PARP9: variants seen among roughly 807,000 people sequenced by gnomAD.
PARP9 encodes protein mono-ADP-ribosyltransferase PARP9.
PARP9 carries 48 observed loss-of-function variants against 68.8 expected under a neutral mutation model. The observed-to-expected ratio is 0.70, with a 90% CI of 0.55 to 0.89. PARP9 has a LOEUF of 0.89. Ranked by LOEUF, PARP9 falls within the 40% of genes least tolerant of loss-of-function variation. PARP9 has a pLI of 0.00. For synonymous variants in PARP9, 309 were observed against 333.8 expected, an observed-to-expected ratio of 0.93 and a Z score of 0.81; for missense variants, 806 against 969.3, an observed-to-expected ratio of 0.83 and a Z score of 2.24.
upstream of PARP9, chr3:122,564,369 G>T (rs1019109219): frequency 1.2e-5 from 18 of 1,536,416 alleles, no homozygotes; most frequent in Admixed American, 3.8e-4. Context: ...AGGGCGGGCC[G>T]CGCCTTTACC....
intron 1 of PARP9, among the ~76,000 whole-genome samples, chr3:122,561,981 T>C (rs1180467904): frequency 6.6e-6 from 1 of 151,998 alleles, no homozygotes; most frequent in Non-Finnish European, 1.5e-5. Flanking sequence ...CAGTAAATGA[T>C]AATACCATTT....
At chr3:122,564,062 G>T in intron 1 of PARP9, 183 bp downstream of exon 1, 1 of 227,876 alleles carries the variant, frequency 4.4e-6, no homozygotes, top group Non-Finnish European at 8.6e-6. Flanking sequence ...AATAATAGTG[G>T]TAACAGCAGT....
intron 1 of PARP9, among the ~76,000 whole-genome samples, chr3:122,561,826 C>T (rs146912069): frequency 4.3e-4 from 65 of 152,284 alleles, no homozygotes; most frequent in African/African-American, 1.5e-3. Context: ...CCATGGCTCT[C>T]CTGAGCCCCA....
chr3:122,551,404 A>T (rs867014642), intron 5 of PARP9, among the ~76,000 whole-genome samples: 1 of 152,210 alleles, frequency 6.6e-6, no homozygotes, highest in Non-Finnish European at 1.5e-5. Flanking sequence ...ATGGTGAAGA[A>T]GAAAGATAGA....
intron 10 of PARP9, among the ~76,000 whole-genome samples, chr3:122,529,723 C>T (rs545489685): frequency 6.9e-6 from 1 of 144,734 alleles, no homozygotes; most frequent in Admixed American, 7.1e-5. Context: ...CACTGCACTC[C>T]AGCCTGGGCA....
chr3:122,554,245 G>C (rs922755084), intron 4 of PARP9, among the ~76,000 whole-genome samples: 1 of 150,942 alleles, frequency 6.6e-6, no homozygotes, highest in African/African-American at 2.4e-5. Context: ...CATACCCATC[G>C]AAACTTGAGA....
At chr3:122,541,740 A>G (rs1212920180) in intron 7 of PARP9, among the ~76,000 whole-genome samples, 1 of 152,256 alleles carries the variant, frequency 6.6e-6, no homozygotes, top group Non-Finnish European at 1.5e-5. Context: ...TCTCACCAAC[A>G]AGGAAACTGA....
chr3:122,551,590 C>G (rs2107684414), intron 5 of PARP9, among the ~76,000 whole-genome samples: 1 of 152,274 alleles, frequency 6.6e-6, no homozygotes, highest in South Asian at 2.1e-4. Context: ...ACCTTTGCCT[C>G]CTGAGTTCGT....
intron 10 of PARP9, among the ~76,000 whole-genome samples, chr3:122,531,038 T>A (rs1479350175): frequency 6.6e-6 from 1 of 152,262 alleles, no homozygotes; most frequent in African/African-American, 2.4e-5. Flanking sequence ...TATTTTAACA[T>A]GTAATCTATA....
At chr3:122,563,899 A>G (rs535887322) in intron 1 of PARP9, among the ~76,000 whole-genome samples, 4 of 152,224 alleles carry the variant, frequency 2.6e-5, no homozygotes, top group African/African-American at 9.6e-5. Flanking sequence ...AAATCAAGCA[A>G]TGGAGGAGAA....
Position 122,540,677 on chromosome 3 carries a change from C to G in PARP9, c.1560G>C (p.Gly520=), listed in dbSNP as rs139933536. 3.1e-4 allele frequency: 502 copies of G among 1,614,112 alleles called. 3 individuals are homozygous for G. In the African/African-American group the frequency reaches 6.1e-3, roughly 19 times the overall value. ...IIENNHILYL[G]RKEHDILSQL... The stretch of plus-strand genomic sequence containing the variant: ...GAGACAAAATGTCATGTTCCTTTCT[C>G]CCAAGGTACAGAATATGATTATTCT... Residue 520 remains glycine, a synonymous_variant, in exon 8 of 11, where the codon GGG becomes GGC. Transcript: ENST00000682323.
upstream of PARP9, chr3:122,564,758 G>C: frequency 9.8e-7 from 1 of 1,024,698 alleles, no homozygotes; most frequent in Non-Finnish European, 1.4e-6. Context: ...GGGCCCTACT[G>C]CCAAGAGACT....
At chr3:122,545,275 A>G (rs1485255908) in intron 7 of PARP9, among the ~76,000 whole-genome samples, 157 bp downstream of exon 7, 1 of 152,222 alleles carries the variant, frequency 6.6e-6, no homozygotes, top group Non-Finnish European at 1.5e-5. Context: ...AAGAATCATG[A>G]TCAGGGTAGA....
chr3:122,559,734 A>C (rs1323384846), intron 1 of PARP9, 25 bp from the exon 2 acceptor site: 1 of 992,828 alleles, frequency 1.0e-6, no homozygotes, highest in Non-Finnish European at 1.4e-6. Flanking sequence ...GAAAAGATGC[A>C]ATAAACATTA....
At chr3:122,551,953 T>C (rs960821899) in intron 5 of PARP9, among the ~76,000 whole-genome samples, 6 of 152,312 alleles carry the variant, frequency 3.9e-5, no homozygotes, top group Non-Finnish European at 7.4e-5. Flanking sequence ...ACAGTCTCTG[T>C]CACCCAGGCT....
chr3:122,549,101 G>A (rs552521600), intron 6 of PARP9, among the ~76,000 whole-genome samples: 44 of 151,180 alleles, frequency 2.9e-4, no homozygotes, highest in African/African-American at 1.0e-3. Flanking sequence ...TCCAACCTCC[G>A]CCTCCTGGGT....
intron 1 of PARP9, among the ~76,000 whole-genome samples, chr3:122,562,156 C>CTCTTTTCTTT (rs11276615): frequency 0.021 from 2,930 of 141,248 alleles, 62 homozygotes; most frequent in African/African-American, 0.044. Context: ...TGGCAATATA[C>CTCTTTTCTTT]TCTTTTCTTT....
At chr3:122,547,935 G>C (rs1449968525) in intron 6 of PARP9, among the ~76,000 whole-genome samples, 1 of 152,132 alleles carries the variant, frequency 6.6e-6, no homozygotes, top group African/African-American at 2.4e-5. Flanking sequence ...CCTCTGCATG[G>C]GAAACTGATG....
At chr3:122,530,708 CCAAA>C (rs777286249) in intron 10 of PARP9, among the ~76,000 whole-genome samples, 48 of 152,246 alleles carry the variant, frequency 3.2e-4, no homozygotes, top group Middle Eastern at 6.8e-3. Flanking sequence ...TGGGATGTAA[CCAAA>C]CACTTTTAGG....
Sources: allele counts gnomAD v4.1 joint callset (sites outside exome capture counted in the v4.1 genomes callset), GRCh38; gene constraint gnomAD v4.1.1; transcripts MANE v1.5; gene names NCBI Gene and HGNC (gene_info 2026-07-23, HGNC 2026-07-21).